Variants in N4BP2 observed in about 807,000 individuals in gnomAD.
N4BP2 encodes the protein NEDD4 binding protein 2, also known as NEDD4-binding protein 2.
A neutral mutation model predicts 152.8 loss-of-function variants in N4BP2; 91 were observed. That is an observed-to-expected ratio of 0.60 (90% CI 0.50 to 0.71). The LOEUF (loss-of-function observed/expected upper bound fraction) is 0.71, where lower values mean the gene tolerates loss of function less well. Among genes scored for constraint, N4BP2 ranks in the 30% least tolerant of loss-of-function variants. N4BP2 has a pLI of 0.00. For synonymous variants in N4BP2, 646 were observed against 705.3 expected (o/e 0.92, Z 1.33); for missense variants, 1,923 against 2,059.1 (o/e 0.93, Z 1.28).
intron 8 of N4BP2, among the ~76,000 whole-genome samples, chr4:40,119,500 G>A (rs557271470): frequency 5.1e-4 from 78 of 152,084 alleles, no homozygotes; most frequent in African/African-American, 1.9e-3. Flanking sequence ...GCGTTGGTTG[G>A]CCCTTTGTGA....
At chr4:40,154,052 T>C (rs1456432343) in intron 17 of N4BP2, 140 bp from the exon 18 acceptor site, 1 of 600,628 alleles carries the variant, frequency 1.7e-6, no homozygotes, top group African/African-American at 2.0e-5. Flanking sequence ...ATGTTGGTCT[T>C]GGATATTGAC....
intron 14 of N4BP2, among the ~76,000 whole-genome samples, chr4:40,139,944 C>T (rs1719763470): frequency 6.6e-6 from 1 of 151,018 alleles, no homozygotes; most frequent in Non-Finnish European, 1.5e-5. Context: ...GGACTACAGG[C>T]ATGAACCACC....
chr4:40,112,980 A>G (rs946115285), intron 6 of N4BP2, among the ~76,000 whole-genome samples: 1 of 152,236 alleles, frequency 6.6e-6, no homozygotes, highest in Non-Finnish European at 1.5e-5. Flanking sequence ...TTGGGATTAC[A>G]GGCGTGAGCC....
chr4:40,180,523 A>C, the N4BP2 span, among the ~76,000 whole-genome samples: 459 of 152,318 alleles, frequency 3.0e-3, 4 homozygotes, highest in African/African-American at 0.011. Flanking sequence ...CTACTCTGAA[A>C]CCTGCAAAGT....
At chr4:40,189,897 AACACACACACACACACAGACACAT>A in the N4BP2 span, among the ~76,000 whole-genome samples, 1 of 146,354 alleles carries the variant, frequency 6.8e-6, no homozygotes, top group African/African-American at 2.6e-5. The surrounding 1 kb of genome is among the most constrained non-coding windows in gnomAD (Gnocchi z 4.3). Context: ...GTCTGTCTCA[AACACACACACACACACAGACACAT>A]ACACACACAC....
intron 5 of N4BP2, among the ~76,000 whole-genome samples, chr4:40,109,678 A>AC (rs769469538): frequency 3.3e-5 from 5 of 151,858 alleles, no homozygotes; most frequent in Non-Finnish European, 5.9e-5. Flanking sequence ...GGATCCCACT[A>AC]CTGCACTCCA....
At chr4:40,058,981 C>T (rs1471635999) in intron 1 of N4BP2, among the ~76,000 whole-genome samples, 1 of 152,036 alleles carries the variant, frequency 6.6e-6, no homozygotes, top group Admixed American at 6.6e-5. Flanking sequence ...CCACTACGCC[C>T]GGCTAATTTT....
chr4:40,149,836 GC>G (rs1340217503), intron 16 of N4BP2, among the ~76,000 whole-genome samples: 1 of 150,910 alleles, frequency 6.6e-6, no homozygotes, highest in African/African-American at 2.4e-5. Context: ...GGCGAAGCTT[GC>G]AATGAGCCGA....
At chr4:40,122,943 G>T (rs74749842) in intron 9 of N4BP2, among the ~76,000 whole-genome samples, 184 bp from the exon 10 acceptor site, 682 of 152,352 alleles carry the variant, frequency 4.5e-3, no homozygotes, top group Non-Finnish European at 7.5e-3. Context: ...TAGTCAAGAA[G>T]TGTGAAGACA....
intron 12 of N4BP2, among the ~76,000 whole-genome samples, chr4:40,128,846 T>A (rs572854586): frequency 0.039 from 4,456 of 113,116 alleles, 131 homozygotes; most frequent in South Asian, 0.1. Context: ...AAAAAAAAAA[T>A]AAATAAATAA....
intron 2 of N4BP2, among the ~76,000 whole-genome samples, chr4:40,088,672 G>A (rs1714225430): frequency 6.6e-6 from 1 of 151,910 alleles, no homozygotes; most frequent in African/African-American, 2.4e-5. Context: ...GGCTAATTTT[G>A]TATTTTTACT....
chr4:40,063,759 T>C (rs1733832857), intron 1 of N4BP2, among the ~76,000 whole-genome samples: 1 of 152,042 alleles, frequency 6.6e-6, no homozygotes, highest in Non-Finnish European at 1.5e-5. Context: ...TTCTCCTGTC[T>C]CAGCCTCCCG....
chr4:40,116,435 T>A (rs539834338), intron 7 of N4BP2, among the ~76,000 whole-genome samples: 1 of 152,296 alleles, frequency 6.6e-6, no homozygotes, highest in East Asian at 1.9e-4. Flanking sequence ...TTATTTAAAA[T>A]TTTTAAAATT....
the N4BP2 span, among the ~76,000 whole-genome samples, chr4:40,180,091 T>C: frequency 6.6e-6 from 1 of 152,074 alleles, no homozygotes; most frequent in African/African-American, 2.4e-5. Context: ...TCTAAGCAAT[T>C]GCTAAACTTA....
intron 13 of N4BP2, among the ~76,000 whole-genome samples, chr4:40,136,576 G>A (rs570451935): frequency 3.9e-5 from 6 of 152,128 alleles, no homozygotes; most frequent in South Asian, 2.1e-4. Context: ...TTGTAGAGAC[G>A]GGGTTTCACC....
intron 5 of N4BP2, among the ~76,000 whole-genome samples, chr4:40,109,585 G>T (rs1398450506): frequency 6.6e-6 from 1 of 152,050 alleles, no homozygotes; most frequent in Admixed American, 6.6e-5. Context: ...GGGCATGGTG[G>T]TGCACACCTA....
intron 16 of N4BP2, among the ~76,000 whole-genome samples, chr4:40,151,916 T>C (rs1348937359): frequency 6.6e-6 from 1 of 152,158 alleles, no homozygotes; most frequent in Non-Finnish European, 1.5e-5. Context: ...GACAATTTAA[T>C]AAGCAGACCG....
At chr4:40,173,767 A>G in the N4BP2 span, among the ~76,000 whole-genome samples, 2 of 152,164 alleles carry the variant, frequency 1.3e-5, no homozygotes, top group African/African-American at 4.8e-5. Context: ...TATTTTGCAT[A>G]TCACCTCTAT....
At chr4:40,097,671 A>T in intron 3 of N4BP2, 102 bp downstream of exon 3, 1 of 725,428 alleles carries the variant, frequency 1.4e-6, no homozygotes. Context: ...TTTCTATTTT[A>T]TTCATAATTT....
Sources: allele counts gnomAD v4.1 joint callset (sites outside exome capture counted in the v4.1 genomes callset), GRCh38; gene constraint gnomAD v4.1.1; non-coding constraint Gnocchi (gnomAD v3.1); transcripts MANE v1.5; gene names NCBI Gene and HGNC (gene_info 2026-07-23, HGNC 2026-07-21).